ANKRD26: variants seen among roughly 807,000 people sequenced by gnomAD.
ANKRD26 encodes ankyrin repeat domain-containing protein 26.
ANKRD26 carries 141 observed loss-of-function variants against 208.7 expected under a neutral mutation model. That is an observed-to-expected ratio of 0.68 (90% CI 0.59 to 0.78). The LOEUF is 0.78. ANKRD26 is among the 30% of genes least tolerant of loss of function. The pLI is 0.00. For missense variants in ANKRD26, 1,889 were observed against 1,938.7 expected, an observed-to-expected ratio of 0.97 and a Z score of 0.48; for synonymous variants, 636 against 660.4, an observed-to-expected ratio of 0.96 and a Z score of 0.57.
intron 4 of ANKRD26, among the ~76,000 whole-genome samples, chr10:27,086,863 C>T (rs2056141794): frequency 6.6e-6 from 1 of 150,828 alleles, no homozygotes; most frequent in Non-Finnish European, 1.5e-5. Context: ...CCTCCGCCTC[C>T]CGGGTTCAAG....
chr10:27,016,236 C>T (rs529510689), intron 30 of ANKRD26, among the ~76,000 whole-genome samples: 3 of 152,004 alleles, frequency 2.0e-5, no homozygotes, highest in Non-Finnish European at 2.9e-5. Flanking sequence ...GTGGTCCTCC[C>T]GCCTCAGCCC....
At chr10:26,977,704 C>T (rs201534017) in intron 5 of ANKRD26, among the ~76,000 whole-genome samples, 1 of 152,166 alleles carries the variant, frequency 6.6e-6, no homozygotes, top group East Asian at 1.9e-4. Flanking sequence ...TTGGTCCTCT[C>T]ATTAAGCACC....
At chr10:27,064,677 T>A (rs962418840) in intron 11 of ANKRD26, among the ~76,000 whole-genome samples, 1 of 152,020 alleles carries the variant, frequency 6.6e-6, no homozygotes, top group Admixed American at 6.6e-5. Context: ...CTTAGAAAAA[T>A]CTAAATACTT....
At position 27,034,848 on chromosome 10, in the gene ANKRD26, T is replaced by C. The variant is rs376117945; in HGVS notation, c.3602A>G (p.Asn1201Ser). Residue 1201 changes from asparagine to serine, a missense_variant, in exon 24 of 34, where the codon AAT becomes AGT. Coordinates refer to ENST00000376087, the MANE Select transcript of ANKRD26 (RefSeq NM_014915.3). The part of the protein sequence containing the change: ...ERNKELISEC[N>S]HLKERQYQYE... ...TTGATACTGTCTTTCTTTTAAGTGA[T>C]TACATTCACTGATTAACTCCTTATT... is the stretch of plus-strand genomic sequence containing the variant. 1.6e-4 allele frequency: 250 copies of C among 1,612,308 alleles called. No individual in the cohort carries two copies. Among genetic ancestry groups the C allele is most frequent in the Non-Finnish European group, 2.1e-4 (242 of 1,179,456 alleles).
chr10:27,055,875 T>C (rs1358388171), intron 15 of ANKRD26, among the ~76,000 whole-genome samples: 2 of 152,218 alleles, frequency 1.3e-5, no homozygotes, highest in African/African-American at 4.8e-5. Flanking sequence ...TAACTAACAC[T>C]TGTGAATTCA....
chr10:27,089,676 C>T (rs1377241659), intron 4 of ANKRD26, among the ~76,000 whole-genome samples: 1 of 152,172 alleles, frequency 6.6e-6, no homozygotes, highest in Non-Finnish European at 1.5e-5. Flanking sequence ...CTTGTAGTCC[C>T]AGCTACTTGG....
intron 21 of ANKRD26, among the ~76,000 whole-genome samples, 178 bp downstream of exon 21, chr10:27,039,787 T>C (rs947163390): frequency 1.3e-5 from 2 of 152,122 alleles, no homozygotes; most frequent in African/African-American, 4.8e-5. Context: ...AAAGAATATA[T>C]ATTTAGTAGA....
chr10:27,089,620 A>G (rs1396955392), intron 4 of ANKRD26, among the ~76,000 whole-genome samples: 1 of 152,156 alleles, frequency 6.6e-6, no homozygotes, highest in Non-Finnish European at 1.5e-5. Context: ...GGCAAAACTC[A>G]TCTCTACAAA....
chr10:26,995,408 C>A (rs960359813), intron 4 of ANKRD26, among the ~76,000 whole-genome samples: 10 of 152,104 alleles, frequency 6.6e-5, no homozygotes, highest in Non-Finnish European at 1.3e-4. Flanking sequence ...CTAACTGTTG[C>A]CATAATAGCC....
intron 11 of ANKRD26, among the ~76,000 whole-genome samples, chr10:27,064,998 A>AT (rs1293553677): frequency 6.6e-6 from 1 of 152,174 alleles, no homozygotes; most frequent in Non-Finnish European, 1.5e-5. Context: ...TCATTCTAAG[A>AT]TGTTAAAAGC....
chr10:27,099,931 C>T (rs909736762), intron 1 of ANKRD26, among the ~76,000 whole-genome samples, 154 bp downstream of exon 1: 22 of 152,188 alleles, frequency 1.4e-4, no homozygotes, highest in African/African-American at 5.3e-4. Context: ...AGAAAGGCGG[C>T]CTGGGCGCTG....
chr10:27,030,059 T>C lies in ANKRD26; in HGVS notation c.3808-703A>G, dbSNP rs143672992. Among the ~76,000 whole-genome samples, 23 of 152,344 alleles carry C rather than the reference T, an allele frequency of 1.5e-4. No homozygotes were observed. The East Asian group carries it at 4.4e-3, about 29-fold the overall frequency. ...TACATAAAGTACTTAGATGAGTACA[T>C]GGCATATAGTGAGCTATATATAATA... On this transcript the variant is annotated intron_variant, in intron 25 of 33. Coordinates refer to ENST00000376087, the MANE Select transcript of ANKRD26 (RefSeq NM_014915.3).
rs1326233068 is a variant in ANKRD26, at chr10:27,048,653, C to T, written c.1814+148G>A. 4.4e-6 allele frequency: 3 copies of T among 684,236 alleles called. No individual in the cohort carries two copies. In the East Asian group the frequency reaches 8.6e-5, roughly 20 times the overall value. 42.4% of individuals were successfully genotyped at this position (684,236 alleles called of 1,614,324 possible). ...GAAAAAACTGGTATCTCATTGTTTG[C>T]TAATTTGCATTTTTCTAATTGCAAG... On this transcript the variant is annotated intron_variant, in intron 17 of 33. Coordinates refer to ENST00000376087, the MANE Select transcript of ANKRD26 (RefSeq NM_014915.3).
At position 27,004,731 on chromosome 10, in the gene ANKRD26, C is replaced by T. The variant is rs1047752817; in HGVS notation, c.*859G>A. 6.6e-6 allele frequency: 1 copy of T among 152,082 alleles called. No individual in the cohort carries two copies. Among genetic ancestry groups the T allele is most frequent in the African/African-American group, 2.4e-5 (1 of 41,398 alleles). 9.4% of individuals were successfully genotyped at this position (152,082 alleles called of 1,614,324 possible). ...CTTTACTCTTCAAAATATTCAAGGTCATGAAGGTCAAGGAAAGACTGAGGA... is the reference window on the plus strand; with the variant it reads ...CTTTACTCTTCAAAATATTCAAGGTTATGAAGGTCAAGGAAAGACTGAGGA... On this transcript the variant is annotated 3_prime_UTR_variant, in exon 34 of 34. Coordinates refer to ENST00000376087, the MANE Select transcript of ANKRD26 (RefSeq NM_014915.3).
intron 24 of ANKRD26, among the ~76,000 whole-genome samples, chr10:27,033,736 CT>C (rs1465063054): frequency 6.6e-6 from 1 of 152,126 alleles, no homozygotes; most frequent in Non-Finnish European, 1.5e-5. Context: ...CATTTTTGCT[CT>C]TTTTTATTAG....
At chr10:27,077,302 G>A in intron 9 of ANKRD26, 36 bp downstream of exon 9, 9 of 1,504,438 alleles carry the variant, frequency 6.0e-6, no homozygotes, top group Non-Finnish European at 8.3e-6. Flanking sequence ...GGCAGGGGAA[G>A]GGTACATGAA....
At chr10:27,091,465 A>C (rs939983734) in intron 4 of ANKRD26, among the ~76,000 whole-genome samples, 4 of 152,180 alleles carry the variant, frequency 2.6e-5, no homozygotes, top group Non-Finnish European at 5.9e-5. Context: ...ATCAAAATAT[A>C]CTAGAAATAG....
rs1491302633 is a variant in ANKRD26, at chr10:27,086,789, T to TG, written c.639-181dup. ...TTTTGTTTTTTTTTTTTTTTTTTTTTGAGACAGAGTCTTACTCTGTCACCC... is the reference window on the plus strand; with the variant it reads ...TTTTGTTTTTTTTTTTTTTTTTTTTTGGAGACAGAGTCTTACTCTGTCACCC... On this transcript the variant is annotated intron_variant, in intron 4 of 33. Transcript: ENST00000376087. 4.0e-3 allele frequency among the ~76,000 whole-genome samples: 407 copies of TG among 101,528 alleles called. 5 individuals carry two copies. Among genetic ancestry groups the TG allele is most frequent in the African/African-American group, 0.013 (385 of 29,568 alleles). The allele number at this position is 101,528 out of a possible 152,430, so 66.6% of individuals were successfully genotyped here.
At chr10:27,078,910 T>TAAAAAAAAAA (rs71281564) in intron 7 of ANKRD26, among the ~76,000 whole-genome samples, 179 bp downstream of exon 7, 3 of 74,596 alleles carry the variant, frequency 4.0e-5, no homozygotes, top group Non-Finnish European at 5.9e-5. Flanking sequence ...TTTACCAAAG[T>TAAAAAAAAAA]AAAAAAAAAA....
Sources: gnomAD v4.1 joint callset for allele counts (sites outside exome capture counted in the v4.1 genomes callset) on GRCh38, gnomAD v4.1.1 for gene constraint, MANE v1.5 for transcripts, NCBI Gene and HGNC (gene_info 2026-07-23, HGNC 2026-07-21) for gene names.